The following AUTS2 variants were observed in gnomAD, a reference collection of about 807,000 sequenced individuals.
The protein encoded by AUTS2 is activator of transcription and developmental regulator AUTS2.
AUTS2 carries 17 observed loss-of-function variants against 112.4 expected under a neutral mutation model. The ratio of observed to expected loss-of-function variants is 0.15; its 90% confidence interval spans 0.10 to 0.23. The LOEUF (loss-of-function observed/expected upper bound fraction) is 0.23, where lower values mean the gene tolerates loss of function less well. Among genes scored for constraint, AUTS2 ranks in the 10% least tolerant of loss-of-function variants. The pLI is 1.00. For synonymous variants in AUTS2, 751 were observed against 702.7 expected, an observed-to-expected ratio of 1.07 and a Z score of -1.09; for missense variants, 1,510 against 1,701.6, an observed-to-expected ratio of 0.89 and a Z score of 1.98.
intron 1 of AUTS2, among the ~76,000 whole-genome samples, chr7:69,687,728 G>A (rs528739262): frequency 7.2e-5 from 11 of 152,148 alleles, no homozygotes; most frequent in South Asian, 2.1e-4. Context: ...ATCCTAACGC[G>A]TATGATAACC....
At chr7:70,209,699 T>A (rs924631951) in intron 4 of AUTS2, among the ~76,000 whole-genome samples, 2 of 152,164 alleles carry the variant, frequency 1.3e-5, no homozygotes, top group Non-Finnish European at 2.9e-5. Context: ...GCCACCTGTG[T>A]CAGTACTGTG....
At chr7:69,626,637 A>G (rs183559888) in intron 1 of AUTS2, among the ~76,000 whole-genome samples, 2 of 152,210 alleles carry the variant, frequency 1.3e-5, no homozygotes, top group African/African-American at 2.4e-5. Context: ...GAGGTGCTCA[A>G]AGTATCAAGT....
At chr7:69,844,121 C>A (rs1413697926) in intron 1 of AUTS2, among the ~76,000 whole-genome samples, 1 of 151,966 alleles carries the variant, frequency 6.6e-6, no homozygotes, top group Non-Finnish European at 1.5e-5. Flanking sequence ...ATCGGTAGAG[C>A]AATGTGTGAT....
intron 6 of AUTS2, among the ~76,000 whole-genome samples, chr7:70,705,549 T>C (rs1305345605): frequency 1.3e-5 from 2 of 152,212 alleles, no homozygotes; most frequent in Non-Finnish European, 2.9e-5. Flanking sequence ...AGCTGTCTAT[T>C]GAAGAGCCAT....
At chr7:70,156,042 GTGTC>G (rs1304843907) in intron 4 of AUTS2, among the ~76,000 whole-genome samples, 1 of 152,130 alleles carries the variant, frequency 6.6e-6, no homozygotes, top group Admixed American at 6.6e-5. Flanking sequence ...TGCTGACCCA[GTGTC>G]TGACCGGATT....
intron 1 of AUTS2, among the ~76,000 whole-genome samples, chr7:69,788,824 G>T (rs1036727386): frequency 3.3e-5 from 5 of 150,712 alleles, no homozygotes; most frequent in African/African-American, 1.2e-4. Context: ...ATCAAAACTT[G>T]CATAGACAGA....
chr7:69,996,492 T>C (rs1310325132), intron 2 of AUTS2, among the ~76,000 whole-genome samples: 1 of 152,194 alleles, frequency 6.6e-6, no homozygotes, highest in Non-Finnish European at 1.5e-5. Flanking sequence ...TCAATAATTA[T>C]TAGTTCTTTA....
intron 4 of AUTS2, among the ~76,000 whole-genome samples, chr7:70,172,526 T>G (rs1808758868): frequency 6.6e-6 from 1 of 152,230 alleles, no homozygotes; most frequent in African/African-American, 2.4e-5. Flanking sequence ...TAGAAAATAT[T>G]TCATATAATC....
intron 4 of AUTS2, among the ~76,000 whole-genome samples, chr7:70,341,097 G>T (rs1791243199): frequency 6.6e-6 from 1 of 152,074 alleles, no homozygotes; most frequent in African/African-American, 2.4e-5. Context: ...TGAGTTTATT[G>T]TATAATAAGG....
intron 1 of AUTS2, among the ~76,000 whole-genome samples, chr7:69,680,059 A>G (rs1050357001): frequency 6.6e-6 from 1 of 152,226 alleles, no homozygotes; most frequent in Non-Finnish European, 1.5e-5. Flanking sequence ...GTGTTTTGGA[A>G]GAGCATTGAC....
intron 4 of AUTS2, among the ~76,000 whole-genome samples, chr7:70,364,301 C>T (rs1014829019): frequency 1.3e-5 from 2 of 151,902 alleles, no homozygotes; most frequent in African/African-American, 2.4e-5. Flanking sequence ...CAGTGGCTCA[C>T]GCCTGTAATC....
At chr7:69,787,417 C>T (rs572172261) in intron 1 of AUTS2, among the ~76,000 whole-genome samples, 1 of 152,344 alleles carries the variant, frequency 6.6e-6, no homozygotes, top group South Asian at 2.1e-4. Context: ...CAGGATCTTT[C>T]TCTCTAAAGC....
chr7:70,472,057 G>T (rs1359224832), intron 5 of AUTS2, among the ~76,000 whole-genome samples: 1 of 152,184 alleles, frequency 6.6e-6, no homozygotes, highest in Non-Finnish European at 1.5e-5. Context: ...ACACAGTGGT[G>T]TGTCCTCCCA....
At chr7:69,734,742 T>C (rs1786954230) in intron 1 of AUTS2, among the ~76,000 whole-genome samples, 1 of 152,114 alleles carries the variant, frequency 6.6e-6, no homozygotes, top group African/African-American at 2.4e-5. Flanking sequence ...TACTGATGTG[T>C]AACCACTTAG....
chr7:70,038,978 C>G (rs777552390), intron 2 of AUTS2, among the ~76,000 whole-genome samples: 10 of 152,002 alleles, frequency 6.6e-5, no homozygotes, highest in Non-Finnish European at 1.3e-4. Context: ...AGGCTGGTCT[C>G]GAGCTTGTGG....
intron 2 of AUTS2, among the ~76,000 whole-genome samples, chr7:69,998,674 A>G (rs974199192): frequency 6.6e-6 from 1 of 152,204 alleles, no homozygotes; most frequent in African/African-American, 2.4e-5. Context: ...AAATAGACAA[A>G]ATCTCTGCAT....
chr7:70,779,324 C>A (rs1270140282), intron 14 of AUTS2, among the ~76,000 whole-genome samples: 1 of 152,130 alleles, frequency 6.6e-6, no homozygotes, highest in Non-Finnish European at 1.5e-5. Flanking sequence ...AGTCGTTCAC[C>A]CAGTGTTTAT....
At chr7:69,825,491 C>CT (rs1158163447) in intron 1 of AUTS2, among the ~76,000 whole-genome samples, 1 of 151,968 alleles carries the variant, frequency 6.6e-6, no homozygotes, top group Non-Finnish European at 1.5e-5. Flanking sequence ...CAGCAGTAAC[C>CT]TTGTTGTCTT....
intron 2 of AUTS2, among the ~76,000 whole-genome samples, chr7:70,027,731 A>C (rs1800584024): frequency 6.6e-6 from 1 of 152,226 alleles, no homozygotes; most frequent in Non-Finnish European, 1.5e-5. Context: ...GATTATCATT[A>C]GTTTAATGAA....
Sources: allele counts gnomAD v4.1 joint callset (sites outside exome capture counted in the v4.1 genomes callset), GRCh38; gene constraint gnomAD v4.1.1; transcripts MANE v1.5; gene names NCBI Gene and HGNC (gene_info 2026-07-23, HGNC 2026-07-21).